ATXN1: variants seen among roughly 807,000 people sequenced by gnomAD.
The protein encoded by ATXN1 is ataxin 1, also known as ataxin-1.
Under a neutral mutation model 56.4 loss-of-function variants are expected in ATXN1, and 8 were observed. The ratio of observed to expected loss-of-function variants is 0.14; its 90% CI spans 0.08 to 0.26. The LOEUF (loss-of-function observed/expected upper bound fraction) is 0.26. Among genes scored for constraint, ATXN1 ranks in the 10% least tolerant of loss-of-function variants. The probability of loss-of-function intolerance (pLI) is 1.00; values close to 1 mark genes in which losing one functional copy is unlikely to be tolerated. For missense variants in ATXN1, 987 were observed against 1,106.5 expected (o/e 0.89, Z 1.53); for synonymous variants, 514 against 494.6 (o/e 1.04, Z -0.52).
In ATXN1 at chr6:16,326,854, C is replaced by T. The variant is rs376744368; in HGVS notation, c.1457G>A (p.Gly486Asp). 1 of 1,609,062 alleles carries T rather than the reference C, an allele frequency of 6.2e-7. No individual in the cohort carries two copies. Among genetic ancestry groups the T allele is most frequent in the Non-Finnish European group, 8.5e-7 (1 of 1,176,406 alleles). Reference protein sequence around the residue: ...GSLPQHLVIPGTQPLLIPVGS... With the variant: ...GSLPQHLVIPDTQPLLIPVGS... ...GACCGGGATGAGCAGGGGCTGTGTG[C>T]CGGGGATCACCAGGTGCTGGGGCAG... The change falls in exon 7 of 8, where the codon GGC becomes GAC. Residue 486 changes from glycine (G) to aspartate (D), a missense_variant. Around this residue, in one of 3 missense-constraint regions of ATXN1, gnomAD observed 723 missense variants for 791.7 expected, o/e 0.91. Transcript: ENST00000436367. The surrounding 1 kb of genome is among the most constrained non-coding windows in gnomAD (Gnocchi z 6.6).
intron 4 of ATXN1, among the ~76,000 whole-genome samples, chr6:16,536,834 A>G (rs551088478): frequency 1.1e-4 from 16 of 152,226 alleles, no homozygotes; most frequent in African/African-American, 3.9e-4. Flanking sequence ...TATATTCCAC[A>G]TGGACCCTCC....
chr6:16,320,693 G>T (rs542550048), intron 7 of ATXN1, among the ~76,000 whole-genome samples: 3 of 152,378 alleles, frequency 2.0e-5, no homozygotes, highest in South Asian at 2.1e-4. Context: ...GAGCCTGGGA[G>T]CCCTTGTTTC....
chr6:16,543,148 C>T (rs1372097679), intron 4 of ATXN1, among the ~76,000 whole-genome samples: 2 of 152,134 alleles, frequency 1.3e-5, no homozygotes, highest in Non-Finnish European at 2.9e-5. Flanking sequence ...TTACAAAATG[C>T]GAGACAAGCA....
At chr6:16,467,533 G>A (rs531993813) in intron 6 of ATXN1, among the ~76,000 whole-genome samples, 53 of 152,290 alleles carry the variant, frequency 3.5e-4, no homozygotes, top group East Asian at 2.3e-3. Flanking sequence ...AGAAGAACAC[G>A]CATCCCAGTG....
At chr6:16,462,659 C>T (rs1438114849) in intron 6 of ATXN1, among the ~76,000 whole-genome samples, 1 of 152,162 alleles carries the variant, frequency 6.6e-6, no homozygotes, top group Admixed American at 6.5e-5. Flanking sequence ...TCCAACCTCA[C>T]CTATTACATG....
intron 4 of ATXN1, among the ~76,000 whole-genome samples, chr6:16,563,668 T>C (rs975116794): frequency 6.6e-6 from 1 of 151,958 alleles, no homozygotes; most frequent in Admixed American, 6.6e-5. Flanking sequence ...TTCAAGTTGA[T>C]ACACAGGTCC....
intron 6 of ATXN1, among the ~76,000 whole-genome samples, chr6:16,346,516 T>C (rs926782021): frequency 1.3e-5 from 2 of 152,228 alleles, no homozygotes; most frequent in African/African-American, 4.8e-5. Context: ...CCTCTTTGCA[T>C]TTAGAAGCAT....
chr6:16,707,574 C>T (rs191066636), intron 2 of ATXN1, among the ~76,000 whole-genome samples: 17 of 152,266 alleles, frequency 1.1e-4, no homozygotes, highest in Admixed American at 3.3e-4. Context: ...AAGTCATTTC[C>T]GGTTCCAAGC....
chr6:16,594,071 T>A (rs1762771663), intron 3 of ATXN1, among the ~76,000 whole-genome samples: 1 of 149,370 alleles, frequency 6.7e-6, no homozygotes, highest in Non-Finnish European at 1.5e-5. Context: ...TATATTAGAC[T>A]AATATATATT....
chr6:16,499,073 C>T (rs235155), intron 5 of ATXN1, among the ~76,000 whole-genome samples: 7,517 of 152,108 alleles, frequency 0.049, 346 homozygotes, highest in South Asian at 0.16. Context: ...GAATCTATTG[C>T]CAAATCCATG....
At chr6:16,706,534 C>A (rs1408450920) in intron 2 of ATXN1, among the ~76,000 whole-genome samples, 1 of 152,020 alleles carries the variant, frequency 6.6e-6, no homozygotes, top group Non-Finnish European at 1.5e-5. Context: ...ACCATCCTGA[C>A]CAACAAGGTG....
At chr6:16,737,379 C>T (rs373047146) in intron 2 of ATXN1, 2 of 152,244 alleles carry the variant, frequency 1.3e-5, no homozygotes, top group East Asian at 3.9e-4. Flanking sequence ...ACTAATTTGT[C>T]AAAGACCAGT....
At chr6:16,634,027 T>G (rs1031218242) in intron 3 of ATXN1, among the ~76,000 whole-genome samples, 1 of 152,224 alleles carries the variant, frequency 6.6e-6, no homozygotes, top group African/African-American at 2.4e-5. Flanking sequence ...TATGAAAGGC[T>G]ATTCTTCACT....
chr6:16,546,438 A>G (rs1383131051), intron 4 of ATXN1, among the ~76,000 whole-genome samples: 1 of 152,066 alleles, frequency 6.6e-6, no homozygotes, highest in Non-Finnish European at 1.5e-5. Flanking sequence ...GCTCTCCTTC[A>G]AGCCCCACCC....
At chr6:16,550,907 A>G (rs1761910145) in intron 4 of ATXN1, among the ~76,000 whole-genome samples, 1 of 152,206 alleles carries the variant, frequency 6.6e-6, no homozygotes, top group Non-Finnish European at 1.5e-5. Flanking sequence ...TATAAAAATC[A>G]TGAGTTACTC....
At chr6:16,406,779 C>G (rs1466431013) in intron 6 of ATXN1, among the ~76,000 whole-genome samples, 1 of 152,174 alleles carries the variant, frequency 6.6e-6, no homozygotes, top group Non-Finnish European at 1.5e-5. Flanking sequence ...CCTTTGTTCT[C>G]TTCTGCTTTT....
chr6:16,416,472 T>A (rs977882559), intron 6 of ATXN1, among the ~76,000 whole-genome samples: 1 of 152,156 alleles, frequency 6.6e-6, no homozygotes, highest in African/African-American at 2.4e-5. Flanking sequence ...CTATAAAATA[T>A]AAGAAAGTAC....
At chr6:16,650,231 T>C (rs1412652688) in intron 3 of ATXN1, among the ~76,000 whole-genome samples, 1 of 152,170 alleles carries the variant, frequency 6.6e-6, no homozygotes, top group African/African-American at 2.4e-5. Context: ...AAAACAAATA[T>C]TATATGGAGA....
intron 4 of ATXN1, among the ~76,000 whole-genome samples, chr6:16,537,333 C>T (rs199655402): frequency 2.8e-4 from 42 of 152,102 alleles, no homozygotes; most frequent in East Asian, 1.9e-4. Flanking sequence ...ATTCTGCCAA[C>T]GTGATGCCAC....
Sources: gnomAD v4.1 joint callset for allele counts (sites outside exome capture counted in the v4.1 genomes callset) on GRCh38, gnomAD v4.1.1 for gene constraint, gnomAD v4.1.1 regional missense constraint, Gnocchi (gnomAD v3.1) non-coding constraint, MANE v1.5 for transcripts, NCBI Gene and HGNC (gene_info 2026-07-23, HGNC 2026-07-21) for gene names.